The following AIMP1 variants were observed in gnomAD, a reference collection of about 807,000 sequenced individuals.
AIMP1 encodes aminoacyl tRNA synthase complex-interacting multifunctional protein 1.
Under a neutral mutation model 33.1 loss-of-function variants are expected in AIMP1, and 24 were observed. The ratio of observed to expected loss-of-function variants is 0.73; its 90% CI spans 0.53 to 1.02. The LOEUF (loss-of-function observed/expected upper bound fraction) is 1.02, where lower values mean the gene tolerates loss of function less well. Ranked by LOEUF, AIMP1 falls within the 50% of genes least tolerant of loss-of-function variation. The pLI is 0.00. For missense variants in AIMP1, 367 were observed against 364.8 expected, an observed-to-expected ratio of 1.01 and a Z score of -0.05; for synonymous variants, 120 against 121.5, an observed-to-expected ratio of 0.99 and a Z score of 0.08.
rs565271232 is a variant in AIMP1 at position 106,349,104 on chromosome 4, T to G, written c.*1412T>G. On this transcript the variant is annotated 3_prime_UTR_variant, in exon 7 of 7. Transcript: ENST00000672341. ...TATAGTACCATTATCAATGTGATATTCTGAAAATATGAACTGAGCGTCATT... is the reference window on the plus strand; with the variant it reads ...TATAGTACCATTATCAATGTGATATGCTGAAAATATGAACTGAGCGTCATT... 1 of 152,166 alleles carries G rather than the reference T, an allele frequency of 6.6e-6. No homozygotes were observed. Among genetic ancestry groups the G allele is most frequent in the East Asian group, 1.9e-4 (1 of 5,158 alleles). The allele number at this position is 152,166 out of a possible 1,614,324, so 9.4% of individuals were successfully genotyped here. A position where few individuals can be genotyped will look rare whatever the true frequency, so the allele number is the denominator to read the frequency against.
intron 6 of AIMP1, among the ~76,000 whole-genome samples, chr4:106,346,583 G>C (rs185131715): frequency 6.6e-6 from 1 of 152,218 alleles, no homozygotes; most frequent in East Asian, 1.9e-4. Context: ...TCACCGAGTA[G>C]AATGGGTAAC....
intron 6 of AIMP1, among the ~76,000 whole-genome samples, chr4:106,346,179 C>CTTTA (rs916639736): frequency 4.6e-5 from 7 of 151,976 alleles, no homozygotes; most frequent in Admixed American, 4.6e-4. Flanking sequence ...TTATATTAAA[C>CTTTA]TTTACTCTCT....
At chr4:106,332,881 GC>G (rs1769735545) in intron 5 of AIMP1, among the ~76,000 whole-genome samples, 1 of 151,992 alleles carries the variant, frequency 6.6e-6, no homozygotes, top group Non-Finnish European at 1.5e-5. Context: ...AAACTGCTGG[GC>G]CAAGGAAAGA....
intron 1 of AIMP1, among the ~76,000 whole-genome samples, chr4:106,323,929 G>C (rs533009580): frequency 2.6e-5 from 4 of 152,010 alleles, no homozygotes; most frequent in Non-Finnish European, 5.9e-5. Flanking sequence ...ACTAGTATCA[G>C]CTAATATGAA....
intron 5 of AIMP1, among the ~76,000 whole-genome samples, chr4:106,333,061 C>T (rs1769742481): frequency 1.4e-5 from 2 of 144,912 alleles, no homozygotes. Context: ...AATTGGTTAA[C>T]ACTTAGTAAT....
intron 6 of AIMP1, among the ~76,000 whole-genome samples, chr4:106,345,853 A>C (rs1263906204): frequency 1.3e-5 from 2 of 148,292 alleles, no homozygotes; most frequent in African/African-American, 4.9e-5. Flanking sequence ...TAAAATATAA[A>C]TATAAAATAT....
At chr4:106,322,805 A>C (rs1769312925) in intron 1 of AIMP1, among the ~76,000 whole-genome samples, 2 of 152,110 alleles carry the variant, frequency 1.3e-5, no homozygotes, top group Non-Finnish European at 1.5e-5. Context: ...CCTGGCCAAC[A>C]TGGTGAAACC....
At chr4:106,331,967 T>G in intron 5 of AIMP1, 84 bp downstream of exon 5, 1 of 1,285,168 alleles carries the variant, frequency 7.8e-7, no homozygotes, top group Non-Finnish European at 1.1e-6. Flanking sequence ...TATAATTTTG[T>G]ATACCATACA....
intron 5 of AIMP1, among the ~76,000 whole-genome samples, chr4:106,335,789 A>G (rs905909465): frequency 6.6e-6 from 1 of 151,374 alleles, no homozygotes; most frequent in African/African-American, 2.4e-5. Context: ...TTATAAAACC[A>G]TCTTTTATCT....
intron 6 of AIMP1, among the ~76,000 whole-genome samples, chr4:106,339,742 C>T (rs886512948): frequency 4.6e-5 from 7 of 152,098 alleles, no homozygotes; most frequent in Admixed American, 3.9e-4. Context: ...ATCTCTTATG[C>T]TGTAGATTGT....
intron 6 of AIMP1, among the ~76,000 whole-genome samples, chr4:106,340,783 T>C (rs1452406247): frequency 6.6e-6 from 1 of 152,214 alleles, no homozygotes; most frequent in Non-Finnish European, 1.5e-5. Flanking sequence ...TAGAATATTC[T>C]ATTTTTCTTT....
chr4:106,339,265 C>T (rs1190437101), intron 6 of AIMP1, among the ~76,000 whole-genome samples: 1 of 152,030 alleles, frequency 6.6e-6, no homozygotes, highest in African/African-American at 2.4e-5. Context: ...TTGGGAGGGG[C>T]CAGGGGCAGA....
Position 106,331,798 on chromosome 4 carries a change from C to A in AIMP1, c.518C>A (p.Ser173Tyr), listed in dbSNP as rs143219988. 5.6e-6 allele frequency: 9 copies of A among 1,614,012 alleles called. No homozygotes were observed. In the African/African-American group the frequency reaches 9.3e-5, roughly 17 times the overall value. The change falls in exon 5 of 7, where the codon TCT (serine) becomes TAT (tyrosine). Residue 173 changes from serine to tyrosine, a missense_variant. Ser to Tyr is a moderately radical substitution (Grantham distance 144, BLOSUM62 -2). Transcript: ENST00000672341. ...ITARKHPDAD[S>Y]LYVEEVDVGE... The stretch of plus-strand genomic sequence containing the variant: ...GCTAGAAAACACCCTGATGCAGATT[C>A]TTTGTATGTGGAAGAAGTAGATGTC...
chr4:106,330,904 A>G (rs1769650233), intron 4 of AIMP1, among the ~76,000 whole-genome samples: 1 of 152,212 alleles, frequency 6.6e-6, no homozygotes, highest in African/African-American at 2.4e-5. Context: ...GCAGGTTACA[A>G]TTAACTCAGT....
chr4:106,339,468 G>T (rs184248642), intron 6 of AIMP1, among the ~76,000 whole-genome samples: 20 of 152,212 alleles, frequency 1.3e-4, no homozygotes, highest in African/African-American at 4.6e-4. Context: ...TCCCCTACAC[G>T]TGCTCTCTTG....
chr4:106,345,183 A>AG (rs1770251177), intron 6 of AIMP1, among the ~76,000 whole-genome samples: 1 of 152,176 alleles, frequency 6.6e-6, no homozygotes. Flanking sequence ...TTTTATACTT[A>AG]GGGCTTATGT....
Position 106,337,586 on chromosome 4 carries a change from G to A in AIMP1, c.772+549G>A, listed in dbSNP as rs189106699. ...TTTCTTTTATAAATTACCCAGCCTC[G>A]AGTATATCTTTATTAGCAGCGTGAG... On this transcript the variant is annotated intron_variant, in intron 6 of 6. Transcript: ENST00000672341. Among the ~76,000 whole-genome samples, 93 of 152,162 alleles carry A rather than the reference G, an allele frequency of 6.1e-4. 3 individuals are homozygous for A. Among genetic ancestry groups the A allele is most frequent in the Admixed American group, 1.6e-3 (25 of 15,280 alleles).
At chr4:106,339,919 A>G (rs1340994701) in intron 6 of AIMP1, among the ~76,000 whole-genome samples, 2 of 152,184 alleles carry the variant, frequency 1.3e-5, no homozygotes, top group East Asian at 1.9e-4. Flanking sequence ...TTCATTTTGT[A>G]TTGCCTGTTT....
rs1049760788 is a variant in AIMP1 at position 106,349,378 on chromosome 4, A to G, written c.*1686A>G. Among the ~76,000 whole-genome samples, 6 of 152,052 alleles carry G rather than the reference A, an allele frequency of 3.9e-5. No homozygotes were observed. Among genetic ancestry groups the G allele is most frequent in the Admixed American group, 1.3e-4 (2 of 15,254 alleles). On this transcript the variant is annotated 3_prime_UTR_variant, in exon 7 of 7. Transcript: ENST00000672341. Reference sequence around the variant, plus strand: ...AGATCAAATTATCTAATGTTTTGTTAGTGAAACCTAAACTGATGATTAAAT... The same window carrying G: ...AGATCAAATTATCTAATGTTTTGTTGGTGAAACCTAAACTGATGATTAAAT...
Sources: allele counts gnomAD v4.1 joint callset (sites outside exome capture counted in the v4.1 genomes callset), GRCh38; gene constraint gnomAD v4.1.1; transcripts MANE v1.5; gene names NCBI Gene and HGNC (gene_info 2026-07-23, HGNC 2026-07-21).